Variants in WDFY4 observed in about 807,000 individuals in gnomAD.
WDFY4 encodes the protein WD repeat- and FYVE domain-containing protein 4.
A neutral mutation model predicts 351.9 loss-of-function variants in WDFY4; 169 were observed. That is an observed-to-expected ratio of 0.48 (90% confidence interval 0.42 to 0.55). The LOEUF (loss-of-function observed/expected upper bound fraction) is 0.55. Ranked by LOEUF, WDFY4 falls within the 20% of genes least tolerant of loss-of-function variation. The probability of loss-of-function intolerance (pLI) is 0.00; values close to 1 mark genes in which losing one functional copy is unlikely to be tolerated. For synonymous variants in WDFY4, 1,622 were observed against 1,574.6 expected (o/e 1.03, Z -0.71); for missense variants, 3,803 against 3,935.6 (o/e 0.97, Z 0.90).
At position 48,959,621 on chromosome 10, in the gene WDFY4, C is replaced by T. The variant is rs960680316; in HGVS notation, c.8132-101C>T. On this transcript the variant is annotated intron_variant, in intron 52 of 61. Coordinates refer to ENST00000325239, the MANE Select transcript of WDFY4 (RefSeq NM_001394531.1). ...CAGAGAACATAACTCACGTTCAGAC[C>T]TACACAAAATCAGCAATCCTGGGCA... 5 of 1,074,408 alleles carry T rather than the reference C, an allele frequency of 4.7e-6. No individual in the cohort carries two copies. In the African/African-American group the frequency reaches 6.3e-5, roughly 14 times the overall value. 66.6% of individuals were successfully genotyped at this position (1,074,408 alleles called of 1,614,324 possible). A position where few individuals can be genotyped will look rare whatever the true frequency, so the allele number is the denominator to read the frequency against.
chr10:48,765,422 T>C (rs770943571), intron 13 of WDFY4, among the ~76,000 whole-genome samples: 1 of 152,204 alleles, frequency 6.6e-6, no homozygotes, highest in African/African-American at 2.4e-5. Context: ...TTCTTTGAAA[T>C]GTTATTGTGA....
rs960467505 is a variant in WDFY4 at position 48,811,655 on chromosome 10, G to A, written c.5161G>A (p.Val1721Ile). Residue 1721 changes from valine (V) to isoleucine (I), a missense_variant, in exon 30 of 62, where the codon GTC becomes ATC. Physicochemically the swap from Val to Ile is conservative, Grantham distance 29. Coordinates refer to ENST00000325239, the MANE Select transcript of WDFY4 (RefSeq NM_001394531.1). ...CCACATTCCAGAGGTCTACCTCATC[G>A]TCTCCACCTTCTTCCTGCAGACACC... Reference protein sequence around the residue: ...HVHIPEVYLIVSTFFLQTPLT... With the variant: ...HVHIPEVYLIISTFFLQTPLT... The A allele has an allele frequency of 7.7e-6, 12 of 1,551,686 alleles. No homozygotes were observed. The highest frequency in any genetic ancestry group is 2.7e-5 in the African/African-American group (2 of 73,018).
chr10:48,804,428 G>A (rs944167394), intron 25 of WDFY4, among the ~76,000 whole-genome samples: 2 of 152,098 alleles, frequency 1.3e-5, no homozygotes, highest in African/African-American at 2.4e-5. Context: ...AAGGGCAGCC[G>A]GGACTTCTGG....
intron 53 of WDFY4, among the ~76,000 whole-genome samples, chr10:48,963,376 T>TGGCAGC (rs1370029311): frequency 6.6e-6 from 1 of 152,212 alleles, no homozygotes; most frequent in Non-Finnish European, 1.5e-5. Flanking sequence ...AATGTGTACA[T>TGGCAGC]GGCAGCACCC....
At chr10:48,928,502 C>A (rs562622864) in intron 47 of WDFY4, among the ~76,000 whole-genome samples, 6 of 152,224 alleles carry the variant, frequency 3.9e-5, no homozygotes, top group African/African-American at 1.4e-4. Context: ...CCTATTCAGA[C>A]CCTGCAGCCT....
chr10:48,900,099 C>T (rs1837280451), intron 45 of WDFY4, 122 bp from the exon 46 acceptor site: 3 of 776,470 alleles, frequency 3.9e-6, no homozygotes, highest in East Asian at 5.7e-5. Flanking sequence ...CTCAAAAGGA[C>T]GACCCAGGAA....
intron 57 of WDFY4, among the ~76,000 whole-genome samples, chr10:48,971,017 GA>G (rs1165040873): frequency 1.3e-5 from 2 of 152,256 alleles, no homozygotes; most frequent in East Asian, 3.9e-4. Context: ...TCCACTTTCA[GA>G]CAAGGAAACT....
In WDFY4 at chr10:48,813,947, C is replaced by G. The variant is rs1185171738; in HGVS notation, c.5215-10C>G. The G allele has an allele frequency of 6.5e-7, 1 of 1,529,620 alleles. No individual in the cohort carries two copies. The highest frequency in any genetic ancestry group is 8.8e-7 in the Non-Finnish European group (1 of 1,135,692). The allele number at this position is 1,529,620 out of a possible 1,614,324, so 94.8% of individuals were successfully genotyped here. A position where few individuals can be genotyped will look rare whatever the true frequency, so the allele number is the denominator to read the frequency against. On this transcript the variant is annotated splice_polypyrimidine_tract_variant and intron_variant, in intron 30 of 61. Coordinates refer to ENST00000325239, the MANE Select transcript of WDFY4 (RefSeq NM_001394531.1). ...GCAGGTCTGCTTACAGCTCCTGCCT[C>G]CTCTTCCAGGACAGCCTTGATGCCA...
chr10:48,795,714 C>G lies in WDFY4; in HGVS notation c.4258-584C>G, dbSNP rs574281078. Among the ~76,000 whole-genome samples the G allele has an allele frequency of 2.6e-5, 4 of 151,816 alleles. No individual in the cohort carries two copies. In the South Asian group the frequency reaches 6.2e-4, roughly 24 times the overall value. On this transcript the variant is annotated intron_variant, in intron 23 of 61. Transcript: ENST00000325239. ...AGCTGAGACTCCAGATTAGGTCGCT[C>G]AAGGCTCATATGCCAATGGATGGCT...
chr10:48,973,263 G>T (rs1293016479), intron 57 of WDFY4, among the ~76,000 whole-genome samples: 1 of 152,272 alleles, frequency 6.6e-6, no homozygotes, highest in East Asian at 1.9e-4. Flanking sequence ...GTTCATTCTG[G>T]GAAGAGATTC....
chr10:48,858,416 T>G (rs2133211058), intron 39 of WDFY4, among the ~76,000 whole-genome samples: 1 of 152,360 alleles, frequency 6.6e-6, no homozygotes, highest in East Asian at 1.9e-4. Flanking sequence ...CTTAGGTTCA[T>G]TTTTTGGGCA....
intron 1 of WDFY4, among the ~76,000 whole-genome samples, chr10:48,686,247 G>A (rs1041500103): frequency 1.3e-5 from 2 of 148,148 alleles, no homozygotes; most frequent in Non-Finnish European, 3.0e-5. Context: ...TTGGGAGGCT[G>A]AGAGGGGCAG....
intron 40 of WDFY4, among the ~76,000 whole-genome samples, chr10:48,870,276 C>A (rs529633637): frequency 6.6e-6 from 1 of 152,268 alleles, no homozygotes; most frequent in Admixed American, 6.5e-5. Flanking sequence ...GTGGCTCATG[C>A]CTCTAATCCC....
chr10:48,953,329 T>TCTCTCA (rs1490743901), intron 51 of WDFY4, among the ~76,000 whole-genome samples: 1 of 87,504 alleles, frequency 1.1e-5, no homozygotes, highest in Non-Finnish European at 2.6e-5. Context: ...TCTCTCTCTC[T>TCTCTCA]CTCTCACACA....
Position 48,810,719 on chromosome 10 carries a change from C to T in WDFY4, c.5028C>T (p.Gly1676=), listed in dbSNP as rs943058990. The change falls in exon 29 of 62, where the codon GGC becomes GGT. Residue 1676 remains glycine, a synonymous_variant. Transcript: ENST00000325239. The part of the protein sequence containing the change: ...AGSWVERSTE[G]VDIVMDNLKS... ...CCTGGGTGGAACGCAGCACTGAGGG[C>T]GTGGATATTGTAATGGGTGAGCACG... is the stretch of plus-strand genomic sequence containing the variant. The T allele has an allele frequency of 9.1e-6, 14 of 1,540,610 alleles. No homozygotes were observed. The highest frequency in any genetic ancestry group is 2.8e-5 in the African/African-American group (2 of 72,410).
intron 1 of WDFY4, among the ~76,000 whole-genome samples, chr10:48,705,342 G>A (rs993981276): frequency 6.6e-6 from 1 of 152,140 alleles, no homozygotes; most frequent in Non-Finnish European, 1.5e-5. Flanking sequence ...TAAATCTTGT[G>A]AGGAGGTGAG....
At chr10:48,726,671 A>G (rs991993371) in intron 6 of WDFY4, among the ~76,000 whole-genome samples, 2 of 152,162 alleles carry the variant, frequency 1.3e-5, no homozygotes, top group Non-Finnish European at 2.9e-5. Flanking sequence ...CTCATCCGTA[A>G]AGTGGGGATA....
At chr10:48,747,963 G>A (rs1235038096) in intron 12 of WDFY4, among the ~76,000 whole-genome samples, 1 of 152,190 alleles carries the variant, frequency 6.6e-6, no homozygotes, top group African/African-American at 2.4e-5. Flanking sequence ...CCTCCATGGG[G>A]TCTTAGCTGC....
At chr10:48,921,645 C>A (rs1839091331) in intron 47 of WDFY4, among the ~76,000 whole-genome samples, 1 of 152,006 alleles carries the variant, frequency 6.6e-6, no homozygotes, top group African/African-American at 2.4e-5. Flanking sequence ...AAGCTACAGA[C>A]TGGAAGAAAA....
Sources: allele counts gnomAD v4.1 joint callset (sites outside exome capture counted in the v4.1 genomes callset), GRCh38; gene constraint gnomAD v4.1.1; transcripts MANE v1.5; gene names NCBI Gene and HGNC (gene_info 2026-07-23, HGNC 2026-07-21).